The following METTL16 variants were observed in gnomAD, a reference collection of about 807,000 sequenced individuals.
METTL16 encodes the protein RNA N(6)-adenosine-methyltransferase METTL16.
In METTL16, 19 loss-of-function variants were observed where a neutral mutation model predicts 57.9. The observed-to-expected ratio is 0.33, with a 90% confidence interval of 0.23 to 0.48. The LOEUF is 0.48. METTL16 is among the 20% of genes least tolerant of loss of function. The pLI is 0.99. For synonymous variants in METTL16, 246 were observed against 255.6 expected (o/e 0.96, Z 0.36); for missense variants, 434 against 691.5 (o/e 0.63, Z 4.18).
At chr17:2,426,728 C>CAAAAAA (rs778818177) in intron 8 of METTL16, among the ~76,000 whole-genome samples, 3 of 35,136 alleles carry the variant, frequency 8.5e-5, no homozygotes, top group East Asian at 7.0e-4. Flanking sequence ...GACTCCGTCT[C>CAAAAAA]AAAAAAAAAA....
chr17:2,477,940 C>T, intron 2 of METTL16, 55 bp from the exon 3 acceptor site: 1 of 1,488,476 alleles, frequency 6.7e-7, no homozygotes, highest in Non-Finnish European at 9.3e-7. Context: ...CTATGTTGTA[C>T]AAGCTCTACG....
chr17:2,447,187 C>G (rs2067004839), intron 6 of METTL16, among the ~76,000 whole-genome samples: 2 of 147,000 alleles, frequency 1.4e-5, no homozygotes, highest in African/African-American at 5.4e-5. Context: ...AGCGTCTCTG[C>G]CCGGCCGCCC....
intron 6 of METTL16, among the ~76,000 whole-genome samples, chr17:2,452,136 CAAAAAAAAAAA>C (rs1268908998): frequency 3.2e-5 from 2 of 62,174 alleles, no homozygotes; most frequent in East Asian, 5.8e-4. Context: ...GCCCTTGTCT[CAAAAAAAAAAA>C]AAAAAAAAAG....
intron 8 of METTL16, among the ~76,000 whole-genome samples, chr17:2,427,431 G>C (rs2066827767): frequency 6.6e-6 from 1 of 152,146 alleles, no homozygotes; most frequent in Admixed American, 6.5e-5. Flanking sequence ...CGTTCCAAAT[G>C]ACTTTGAAAT....
rs556301005 is a variant in METTL16 at position 2,504,812 on chromosome 17, TC to T, written c.1-2482del. ...GTTTCCGACTCCTGAGCTCAAGTGATCCTCCTGCCTCAGCCTCCCAAAGTGC... is the reference window on the plus strand; with the variant it reads ...GTTTCCGACTCCTGAGCTCAAGTGATCTCCTGCCTCAGCCTCCCAAAGTGC... On this transcript the variant is annotated intron_variant, in intron 1 of 9. Coordinates refer to ENST00000263092, the MANE Select transcript of METTL16 (RefSeq NM_024086.4). 1.2e-4 allele frequency among the ~76,000 whole-genome samples: 18 copies of T among 152,302 alleles called. No individual in the cohort carries two copies. In the South Asian group the frequency reaches 3.7e-3, roughly 32 times the overall value.
At chr17:2,477,651 AC>A in intron 3 of METTL16, 34 bp downstream of exon 3, 1 of 1,505,642 alleles carries the variant, frequency 6.6e-7, no homozygotes, top group Non-Finnish European at 9.2e-7. Flanking sequence ...ACTTATGAAA[AC>A]TGTTTAGCCA....
At position 2,492,794 on chromosome 17, in the gene METTL16, C is replaced by G. The variant is rs192892641; in HGVS notation, c.128+9410G>C. On this transcript the variant is annotated intron_variant, in intron 2 of 9. Coordinates refer to ENST00000263092, the MANE Select transcript of METTL16 (RefSeq NM_024086.4). ...CACCTATAATCCCAGCAACTCAGGA[C>G]GCTGAGGCAGGAGAATTGCTTGAAC... Among the ~76,000 whole-genome samples, 56 of 149,198 alleles carry G rather than the reference C, an allele frequency of 3.8e-4. 1 individual carries two copies. The East Asian group carries it at 7.7e-3, about 21-fold the overall frequency.
intron 6 of METTL16, among the ~76,000 whole-genome samples, chr17:2,457,421 A>C (rs1021658265): frequency 3.4e-5 from 5 of 145,494 alleles, no homozygotes; most frequent in East Asian, 2.1e-4. Context: ...AAGAGTTAAA[A>C]ATCGGCCGGG....
chr17:2,428,088 C>A, intron 8 of METTL16, among the ~76,000 whole-genome samples: 1 of 151,762 alleles, frequency 6.6e-6, no homozygotes, highest in East Asian at 1.9e-4. Flanking sequence ...AAGGAATCAA[C>A]AAGAACTTGC....
chr17:2,481,752 T>C (rs555478638), intron 2 of METTL16, among the ~76,000 whole-genome samples: 8 of 152,134 alleles, frequency 5.3e-5, no homozygotes, highest in Non-Finnish European at 8.8e-5. Flanking sequence ...TTCAAAGACA[T>C]GATTCAAGGT....
intron 8 of METTL16, among the ~76,000 whole-genome samples, chr17:2,427,629 A>C (rs908832821): frequency 6.6e-6 from 1 of 151,884 alleles, no homozygotes; most frequent in Non-Finnish European, 1.5e-5. Context: ...TTTTTTTAAG[A>C]GATAGGGTCT....
rs2067495191 is a variant in METTL16, at chr17:2,502,342, G to C, written c.1-11C>G. The C allele has an allele frequency of 6.2e-7, 1 of 1,607,308 alleles. No homozygotes were observed. Among genetic ancestry groups the C allele is most frequent in the African/African-American group, 1.3e-5 (1 of 74,658 alleles). ...TTTACTCAGAGCCATCTTAAGGAGA[G>C]AAAGAGAGAAAGAAAATCAGCATAT... On this transcript the variant is annotated splice_polypyrimidine_tract_variant and intron_variant, in intron 1 of 9. Transcript: ENST00000263092.
At chr17:2,506,423 T>C (rs536691465) in intron 1 of METTL16, among the ~76,000 whole-genome samples, 4 of 152,060 alleles carry the variant, frequency 2.6e-5, no homozygotes, top group African/African-American at 9.6e-5. Context: ...GTGCCTGCGA[T>C]TGCAGGCGCA....
At position 2,505,172 on chromosome 17, in the gene METTL16, A is replaced by ATC. The variant is rs936200347; in HGVS notation, c.1-2843_1-2842dup. On this transcript the variant is annotated intron_variant, in intron 1 of 9. Coordinates refer to ENST00000263092, the MANE Select transcript of METTL16 (RefSeq NM_024086.4). ...ATATTTTACTATTATATATATATATATCTCTCTCTGGGTGGCAAGTGACTT... is the reference window on the plus strand; with the variant it reads ...ATATTTTACTATTATATATATATATATCTCTCTCTCTGGGTGGCAAGTGACTT... 6.2e-4 allele frequency among the ~76,000 whole-genome samples: 94 copies of ATC among 151,294 alleles called. No homozygotes were observed. In the Middle Eastern group the frequency reaches 0.01, roughly 16 times the overall value.
intron 8 of METTL16, among the ~76,000 whole-genome samples, chr17:2,431,974 T>G (rs946775876): frequency 6.6e-6 from 1 of 152,048 alleles, no homozygotes; most frequent in Non-Finnish European, 1.5e-5. Flanking sequence ...AGACTGAGTC[T>G]TGCTCTGTCG....
At chr17:2,478,701 T>C (rs1028551813) in intron 2 of METTL16, among the ~76,000 whole-genome samples, 8 of 152,218 alleles carry the variant, frequency 5.3e-5, no homozygotes, top group African/African-American at 1.7e-4. Flanking sequence ...TCTTCATAGA[T>C]TTGCCTTTTC....
rs956309323 is a variant in METTL16 at position 2,442,335 on chromosome 17, G to T, written c.729-776C>A. On this transcript the variant is annotated intron_variant, in intron 6 of 9. Transcript: ENST00000263092. ...TGCATTTGCTAGAGCTTTCCTAGAAGGAAATTCCCAGACTGCAGTACAGGG... is the reference window on the plus strand; with the variant it reads ...TGCATTTGCTAGAGCTTTCCTAGAATGAAATTCCCAGACTGCAGTACAGGG... Among the ~76,000 whole-genome samples, 6 of 152,282 alleles carry T rather than the reference G, an allele frequency of 3.9e-5. No homozygotes were observed. In the East Asian group the frequency reaches 1.2e-3, roughly 29 times the overall value.
At chr17:2,438,892 G>A (rs1370999203) in intron 7 of METTL16, among the ~76,000 whole-genome samples, 1 of 152,148 alleles carries the variant, frequency 6.6e-6, no homozygotes, top group African/African-American at 2.4e-5. Flanking sequence ...TTTTAGGAAA[G>A]GTAAAGGAAC....
intron 8 of METTL16, among the ~76,000 whole-genome samples, chr17:2,427,550 T>C (rs2066828515): frequency 1.3e-5 from 2 of 152,174 alleles, no homozygotes; most frequent in Admixed American, 6.6e-5. Flanking sequence ...TCCTGGGGCA[T>C]ATTGTGAGAT....
Sources: gnomAD v4.1 joint callset for allele counts (sites outside exome capture counted in the v4.1 genomes callset) on GRCh38, gnomAD v4.1.1 for gene constraint, MANE v1.5 for transcripts, NCBI Gene and HGNC (gene_info 2026-07-23, HGNC 2026-07-21) for gene names.